The following PALLD variants were observed in gnomAD, a reference collection of about 807,000 sequenced individuals.
PALLD encodes palladin, cytoskeletal associated protein.
In PALLD, 61 loss-of-function variants were observed where a neutral mutation model predicts 123.5. That is an observed-to-expected ratio of 0.49 (90% CI 0.40 to 0.61). The LOEUF is 0.61. Among genes scored for constraint, PALLD ranks in the 20% least tolerant of loss-of-function variants. The pLI, the probability that PALLD is intolerant of heterozygous loss-of-function variation, is 0.00. For synonymous variants in PALLD, 465 were observed against 496.4 expected (o/e 0.94, Z 0.84); for missense variants, 1,273 against 1,377.0 (o/e 0.92, Z 1.20).
chr4:168,743,358 C>G (rs1189082321), intron 10 of PALLD, among the ~76,000 whole-genome samples: 1 of 151,996 alleles, frequency 6.6e-6, no homozygotes, highest in Non-Finnish European at 1.5e-5. Flanking sequence ...GGTTTAATCC[C>G]CAGCAACTAG....
chr4:168,576,070 G>T (rs1769543903), intron 2 of PALLD, among the ~76,000 whole-genome samples: 1 of 152,058 alleles, frequency 6.6e-6, no homozygotes, highest in Admixed American at 6.6e-5. Context: ...AAATATAATT[G>T]TCTAAAACAT....
intron 10 of PALLD, among the ~76,000 whole-genome samples, chr4:168,795,688 C>T (rs1034532318): frequency 2.7e-5 from 4 of 148,752 alleles, no homozygotes; most frequent in African/African-American, 5.0e-5. Flanking sequence ...TCATGAACTG[C>T]TTTATATTTT....
At chr4:168,763,458 A>G (rs1183673152) in intron 10 of PALLD, among the ~76,000 whole-genome samples, 2 of 152,176 alleles carry the variant, frequency 1.3e-5, no homozygotes, top group Non-Finnish European at 1.5e-5. Context: ...CAAGCCTCAC[A>G]TGGAGTAAGA....
At chr4:168,778,332 G>A (rs892954440) in intron 10 of PALLD, among the ~76,000 whole-genome samples, 2 of 152,138 alleles carry the variant, frequency 1.3e-5, no homozygotes, top group Non-Finnish European at 2.9e-5. Context: ...AATCTCTAAG[G>A]AATTGATCCA....
intron 2 of PALLD, among the ~76,000 whole-genome samples, chr4:168,555,604 T>G (rs555568856): frequency 4.0e-4 from 61 of 152,324 alleles, no homozygotes; most frequent in South Asian, 8.3e-4. Flanking sequence ...TATTAGCAGA[T>G]CAATCATCTC....
chr4:168,704,681 A>G (rs1784059020), intron 8 of PALLD, among the ~76,000 whole-genome samples: 1 of 150,680 alleles, frequency 6.6e-6, no homozygotes, highest in South Asian at 2.2e-4. Flanking sequence ...AAAAAAAAAA[A>G]AAAAATGTGT....
chr4:168,835,294 T>C (rs1744984460), intron 10 of PALLD, among the ~76,000 whole-genome samples: 1 of 152,230 alleles, frequency 6.6e-6, no homozygotes, highest in Non-Finnish European at 1.5e-5. Flanking sequence ...CAAATAATCT[T>C]CTACAAGTAA....
chr4:168,538,716 T>A (rs192330426), intron 2 of PALLD, among the ~76,000 whole-genome samples: 2 of 152,298 alleles, frequency 1.3e-5, no homozygotes, highest in Non-Finnish European at 2.9e-5. Flanking sequence ...GTCTCCCAAC[T>A]CTAAAGTCCC....
intron 10 of PALLD, among the ~76,000 whole-genome samples, chr4:168,838,667 CTTTT>C (rs70961558): frequency 1.2e-4 from 11 of 88,782 alleles, no homozygotes; most frequent in South Asian, 7.8e-4. Context: ...CTTCTAACTC[CTTTT>C]TTTTTTTTTT....
chr4:168,552,027 T>C (rs1219914036), intron 2 of PALLD, among the ~76,000 whole-genome samples: 2 of 152,186 alleles, frequency 1.3e-5, no homozygotes, highest in African/African-American at 2.4e-5. Flanking sequence ...CTTTGAGATG[T>C]ATACATTAAA....
At chr4:168,700,425 G>C (rs1247101601) in intron 8 of PALLD, 1 of 152,156 alleles carries the variant, frequency 6.6e-6, no homozygotes, top group Non-Finnish European at 1.5e-5. Flanking sequence ...ATGCATGGAA[G>C]TATTCCTATA....
intron 8 of PALLD, among the ~76,000 whole-genome samples, chr4:168,693,259 T>C (rs1481224106): frequency 6.6e-6 from 1 of 152,034 alleles, no homozygotes; most frequent in Admixed American, 6.5e-5. Flanking sequence ...ATACACTCCT[T>C]CTGTTTCACA....
intron 2 of PALLD, among the ~76,000 whole-genome samples, chr4:168,641,783 G>A (rs1055289439): frequency 6.6e-6 from 1 of 152,130 alleles, no homozygotes; most frequent in African/African-American, 2.4e-5. Flanking sequence ...CTACTCCCGT[G>A]CACCCCAGCT....
At chr4:168,600,125 G>GT (rs1430476022) in intron 2 of PALLD, among the ~76,000 whole-genome samples, 9 of 147,874 alleles carry the variant, frequency 6.1e-5, no homozygotes, top group African/African-American at 2.2e-4. Flanking sequence ...ACATACATGT[G>GT]TATACACACA....
chr4:168,926,069 G>A (rs1762531885), intron 21 of PALLD, 144 bp from the exon 22 acceptor site: 2 of 628,852 alleles, frequency 3.2e-6, no homozygotes, highest in East Asian at 5.7e-5. Context: ...AAATGCAAAA[G>A]TGTTCCTAAA....
rs186000302 is a variant in PALLD, at chr4:168,704,983, T to A, written c.1502-4045T>A. Among the ~76,000 whole-genome samples the A allele has an allele frequency of 1.2e-3, 177 of 152,288 alleles. 2 individuals are homozygous for A. The East Asian group carries it at 0.019, about 16-fold the overall frequency. Reference sequence around the variant, plus strand: ...CAGAAGTTTGAAATAAACTTTTAATTTTTAATTGCCTAAAAATTTTAATTC... The same window carrying A: ...CAGAAGTTTGAAATAAACTTTTAATATTTAATTGCCTAAAAATTTTAATTC... On this transcript the variant is annotated intron_variant, in intron 8 of 21. Coordinates refer to ENST00000505667, the MANE Select transcript of PALLD (RefSeq NM_001166108.2).
rs376013210 is a variant in PALLD, at chr4:168,837,535, C to T, written c.1965-53387C>T. ...AACCTGGATGCTAATGGATATGATTCGAATTAATCATAGAATATATACCGT... is the reference window on the plus strand; with the variant it reads ...AACCTGGATGCTAATGGATATGATTTGAATTAATCATAGAATATATACCGT... On this transcript the variant is annotated intron_variant, in intron 10 of 21. Coordinates refer to ENST00000505667, the MANE Select transcript of PALLD (RefSeq NM_001166108.2). Among the ~76,000 whole-genome samples, 31 of 152,240 alleles carry T rather than the reference C, an allele frequency of 2.0e-4. No homozygotes were observed. The East Asian group carries it at 5.0e-3, about 25-fold the overall frequency.
intron 2 of PALLD, among the ~76,000 whole-genome samples, chr4:168,600,828 T>A (rs1467342640): frequency 6.6e-6 from 1 of 152,096 alleles, no homozygotes; most frequent in Non-Finnish European, 1.5e-5. Context: ...AGACTTCTAG[T>A]CATCTCAGGA....
intron 10 of PALLD, among the ~76,000 whole-genome samples, chr4:168,886,310 G>A (rs1483778250): frequency 6.6e-6 from 1 of 152,108 alleles, no homozygotes; most frequent in East Asian, 1.9e-4. Flanking sequence ...CCTGCTAGAT[G>A]CTCAATAAAT....
Sources: allele counts gnomAD v4.1 joint callset (sites outside exome capture counted in the v4.1 genomes callset), GRCh38; gene constraint gnomAD v4.1.1; transcripts MANE v1.5; gene names NCBI Gene and HGNC (gene_info 2026-07-23, HGNC 2026-07-21).